NALF1: variants seen among roughly 807,000 people sequenced by gnomAD.
The protein encoded by NALF1 is NALCN channel auxiliary factor 1.
Under a neutral mutation model 48.4 loss-of-function variants are expected in NALF1, and 3 were observed. That is an observed-to-expected ratio of 0.06 (90% confidence interval 0.03 to 0.16). The LOEUF is 0.16. Ranked by LOEUF, NALF1 falls within the 10% of genes least tolerant of loss-of-function variation. The pLI is 1.00. For missense variants in NALF1, 526 were observed against 571.5 expected, an observed-to-expected ratio of 0.92 and a Z score of 0.81; for synonymous variants, 262 against 245.7, an observed-to-expected ratio of 1.07 and a Z score of -0.62.
At chr13:107,778,123 A>C (rs1164377360) in intron 1 of NALF1, among the ~76,000 whole-genome samples, 1 of 152,228 alleles carries the variant, frequency 6.6e-6, no homozygotes, top group Admixed American at 6.5e-5. Flanking sequence ...TAACGTGTGA[A>C]AACACCCAGG....
In NALF1 at chr13:107,636,811, C is replaced by A. The variant is rs1274767861; in HGVS notation, c.915+228871G>T. 2.0e-5 allele frequency among the ~76,000 whole-genome samples: 3 copies of A among 151,170 alleles called. No individual in the cohort carries two copies. The East Asian group carries it at 5.8e-4, about 29-fold the overall frequency. ...TCACCTTTTCTCGCACTTAAAAGTA[C>A]ATAATATATGAGGTAAACCTGATCC... On this transcript the variant is annotated intron_variant, in intron 1 of 2. Transcript: ENST00000375915.
intron 1 of NALF1, among the ~76,000 whole-genome samples, chr13:107,276,366 A>T (rs1260171529): frequency 6.6e-6 from 1 of 152,206 alleles, no homozygotes; most frequent in East Asian, 1.9e-4. Flanking sequence ...TAAACACATA[A>T]CCTCATCTCT....
At chr13:107,564,414 T>C (rs1488656440) in intron 1 of NALF1, among the ~76,000 whole-genome samples, 2 of 152,164 alleles carry the variant, frequency 1.3e-5, no homozygotes, top group Admixed American at 1.3e-4. Context: ...CCACCTGTCC[T>C]GGAGTAAAGC....
chr13:107,659,703 T>C (rs538432755), intron 1 of NALF1, among the ~76,000 whole-genome samples: 1 of 152,156 alleles, frequency 6.6e-6, no homozygotes, highest in Non-Finnish European at 1.5e-5. Context: ...ATAAATGACA[T>C]GGATTTGGCC....
chr13:107,377,926 T>C lies in NALF1; in HGVS notation c.916-167171A>G, dbSNP rs148359023. 1.8e-3 allele frequency among the ~76,000 whole-genome samples: 280 copies of C among 152,326 alleles called. 3 individuals carry two copies. Among genetic ancestry groups the C allele is most frequent in the Middle Eastern group, 0.01 (3 of 294 alleles). ...ATGAAACCAGCCATTGTTCACAAAGTATGCATGTTATTATAATATTCCTCT... is the reference window on the plus strand; with the variant it reads ...ATGAAACCAGCCATTGTTCACAAAGCATGCATGTTATTATAATATTCCTCT... On this transcript the variant is annotated intron_variant, in intron 1 of 2. Transcript: ENST00000375915.
intron 1 of NALF1, among the ~76,000 whole-genome samples, chr13:107,240,385 C>T (rs1351241016): frequency 6.6e-6 from 1 of 152,164 alleles, no homozygotes; most frequent in East Asian, 1.9e-4. Context: ...AGTCCAAACA[C>T]ACTATAACAG....
chr13:107,567,157 A>C (rs1348545276), intron 1 of NALF1, among the ~76,000 whole-genome samples: 1 of 152,206 alleles, frequency 6.6e-6, no homozygotes, highest in Non-Finnish European at 1.5e-5. Context: ...CGTAGTTAAA[A>C]TTATTTTTTA....
chr13:107,585,565 T>G (rs1321126301), intron 1 of NALF1, among the ~76,000 whole-genome samples: 2 of 152,186 alleles, frequency 1.3e-5, no homozygotes, highest in Non-Finnish European at 2.9e-5. Flanking sequence ...AAAATTCCAA[T>G]GATGATGTTT....
chr13:107,367,127 G>A (rs539480529), intron 1 of NALF1, among the ~76,000 whole-genome samples: 1 of 152,258 alleles, frequency 6.6e-6, no homozygotes, highest in East Asian at 1.9e-4. Context: ...AAGAAACACT[G>A]CAGGTAAGCT....
At chr13:107,815,422 C>A (rs562407833) in intron 1 of NALF1, among the ~76,000 whole-genome samples, 9 of 152,154 alleles carry the variant, frequency 5.9e-5, no homozygotes, top group African/African-American at 1.9e-4. Context: ...TTCAACATCA[C>A]CAGCAATCAC....
rs556040402 is a variant in NALF1, at chr13:107,523,016, T to C, written c.916-312261A>G. On this transcript the variant is annotated intron_variant, in intron 1 of 2. Transcript: ENST00000375915. ...TCAGTATGTCTAACTGGATCTATCA[T>C]TGGTTTCTCATCTGAAACTACCATT... Among the ~76,000 whole-genome samples, 91 of 152,314 alleles carry C rather than the reference T, an allele frequency of 6.0e-4. 1 individual carries two copies. The highest frequency in any genetic ancestry group is 1.2e-3 in the South Asian group (6 of 4,822).
chr13:107,342,429 T>A (rs939288801), intron 1 of NALF1, among the ~76,000 whole-genome samples: 4 of 152,120 alleles, frequency 2.6e-5, no homozygotes, highest in Non-Finnish European at 4.4e-5. Context: ...AGGATATCAA[T>A]AAGATGGTGG....
chr13:107,274,713 A>T (rs1025989573), intron 1 of NALF1, among the ~76,000 whole-genome samples: 11 of 152,118 alleles, frequency 7.2e-5, no homozygotes, highest in Non-Finnish European at 1.5e-4. Flanking sequence ...AAGTTTTTAG[A>T]GTTGGGAGTG....
chr13:107,786,976 A>G (rs1237364316), intron 1 of NALF1, among the ~76,000 whole-genome samples: 2 of 152,226 alleles, frequency 1.3e-5, no homozygotes, highest in Non-Finnish European at 2.9e-5. Context: ...CTGAAGTAAG[A>G]GCACTGAAGT....
At chr13:107,511,251 T>C (rs1189971379) in intron 1 of NALF1, among the ~76,000 whole-genome samples, 3 of 152,214 alleles carry the variant, frequency 2.0e-5, no homozygotes, top group Non-Finnish European at 4.4e-5. Context: ...CCGTTGTCTG[T>C]ACATAGTGTG....
chr13:107,604,137 C>T (rs1162992992), intron 1 of NALF1, among the ~76,000 whole-genome samples: 3 of 152,130 alleles, frequency 2.0e-5, no homozygotes, highest in African/African-American at 4.8e-5. Context: ...AATACCGTTC[C>T]TCCCCCATTT....
At chr13:107,252,805 C>T (rs1295483690) in intron 1 of NALF1, among the ~76,000 whole-genome samples, 1 of 152,216 alleles carries the variant, frequency 6.6e-6, no homozygotes, top group Non-Finnish European at 1.5e-5. Flanking sequence ...TTACTGCAGA[C>T]ACCTGTTCTT....
At chr13:107,670,300 A>T (rs990425075) in intron 1 of NALF1, among the ~76,000 whole-genome samples, 3 of 152,120 alleles carry the variant, frequency 2.0e-5, no homozygotes, top group Non-Finnish European at 2.9e-5. Context: ...AACATGACAC[A>T]CAAGTACACA....
intron 1 of NALF1, among the ~76,000 whole-genome samples, chr13:107,648,423 T>G (rs1880367204): frequency 6.6e-6 from 1 of 152,180 alleles, no homozygotes; most frequent in Non-Finnish European, 1.5e-5. Context: ...CAGGTAGTTG[T>G]AATCATGCAG....
Sources: allele counts gnomAD v4.1 joint callset (sites outside exome capture counted in the v4.1 genomes callset), GRCh38; gene constraint gnomAD v4.1.1; transcripts MANE v1.5; gene names NCBI Gene and HGNC (gene_info 2026-07-23, HGNC 2026-07-21).